The following SSH2 variants were observed in gnomAD, a reference collection of about 807,000 sequenced individuals.
SSH2 encodes slingshot protein phosphatase 2.
Under a neutral mutation model 135.2 loss-of-function variants are expected in SSH2, and 37 were observed. The ratio of observed to expected loss-of-function variants is 0.27; its 90% CI spans 0.21 to 0.36. SSH2 has a LOEUF of 0.36. SSH2 is among the 10% of genes least tolerant of loss of function. SSH2 has a pLI of 1.00. For missense variants in SSH2, 1,408 were observed against 1,765.3 expected (o/e 0.80, Z 3.63); for synonymous variants, 628 against 646.2 (o/e 0.97, Z 0.43).
intron 3 of SSH2, among the ~76,000 whole-genome samples, chr17:29,737,186 G>A (rs987624516): frequency 6.6e-6 from 1 of 150,776 alleles, no homozygotes; most frequent in Non-Finnish European, 1.5e-5. Context: ...TAAATGCAGT[G>A]GCCTTATATT....
At chr17:29,695,545 A>G in intron 4 of SSH2, 22 bp from the exon 5 acceptor site, 2 of 1,599,802 alleles carry the variant, frequency 1.3e-6, no homozygotes, top group Non-Finnish European at 1.7e-6. Flanking sequence ...TACAAACCAA[A>G]GGATAATTAT....
chr17:29,877,995 G>A (rs2066066779), intron 1 of SSH2, among the ~76,000 whole-genome samples: 1 of 152,142 alleles, frequency 6.6e-6, no homozygotes, highest in African/African-American at 2.4e-5. Flanking sequence ...TGAGGTGGGA[G>A]GATTGCCTGA....
chr17:29,794,222 A>T (rs982584719), intron 2 of SSH2, among the ~76,000 whole-genome samples: 1 of 152,184 alleles, frequency 6.6e-6, no homozygotes, highest in Non-Finnish European at 1.5e-5. Context: ...CCAACTAAAC[A>T]TGTTATTTTA....
chr17:29,797,449 CATA>C (rs2042177796), intron 2 of SSH2, among the ~76,000 whole-genome samples: 1 of 152,242 alleles, frequency 6.6e-6, no homozygotes, highest in East Asian at 1.9e-4. Context: ...AAATATTCAG[CATA>C]ATGTTTTCGA....
At chr17:29,872,739 G>C (rs931929309) in intron 1 of SSH2, among the ~76,000 whole-genome samples, 4 of 151,924 alleles carry the variant, frequency 2.6e-5, no homozygotes, top group African/African-American at 9.7e-5. Flanking sequence ...GCTCACGCCT[G>C]TAATTCCAGC....
At chr17:29,750,466 TAAATAA>T (rs1332807441) in intron 3 of SSH2, among the ~76,000 whole-genome samples, 2 of 150,596 alleles carry the variant, frequency 1.3e-5, no homozygotes, top group African/African-American at 4.9e-5. Context: ...TTTTTTTAAA[TAAATAA>T]AAATAAAAAA....
intron 5 of SSH2, among the ~76,000 whole-genome samples, chr17:29,688,784 C>T (rs2038340329): frequency 6.6e-6 from 1 of 152,082 alleles, no homozygotes; most frequent in Non-Finnish European, 1.5e-5. Flanking sequence ...ACACCTATAT[C>T]CTAATTAGAA....
chr17:29,869,056 G>A (rs147690429), intron 1 of SSH2, among the ~76,000 whole-genome samples: 3 of 152,300 alleles, frequency 2.0e-5, no homozygotes, highest in Admixed American at 2.0e-4. Flanking sequence ...AGAGGAGTGA[G>A]AGTGTCTAAA....
chr17:29,646,643 G>C (rs910956195), intron 14 of SSH2, among the ~76,000 whole-genome samples: 3 of 151,946 alleles, frequency 2.0e-5, no homozygotes, highest in East Asian at 1.9e-4. Flanking sequence ...GGGACTACAG[G>C]TGCCCGCCAC....
At chr17:29,807,988 G>A (rs1388299026) in intron 2 of SSH2, among the ~76,000 whole-genome samples, 2 of 152,096 alleles carry the variant, frequency 1.3e-5, no homozygotes, top group Non-Finnish European at 1.5e-5. Flanking sequence ...GGTTGAACTG[G>A]AGAAAGCAGT....
chr17:29,902,543 A>C (rs180862270), intron 1 of SSH2, among the ~76,000 whole-genome samples: 1,528 of 151,920 alleles, frequency 0.01, 18 homozygotes, highest in African/African-American at 0.032. Flanking sequence ...AAAAAAAAAA[A>C]CCCCAATAAT....
intron 3 of SSH2, among the ~76,000 whole-genome samples, chr17:29,772,446 C>T (rs758765089): frequency 5.1e-4 from 78 of 151,838 alleles, no homozygotes; most frequent in Non-Finnish European, 3.8e-4. Context: ...GGGGTTTCAC[C>T]GTGTTAGCCA....
intron 1 of SSH2, among the ~76,000 whole-genome samples, chr17:29,919,776 G>C (rs1045038278): frequency 6.7e-6 from 1 of 150,114 alleles, no homozygotes; most frequent in African/African-American, 2.5e-5. Flanking sequence ...TTTTTTTAAT[G>C]GATTAACAAA....
At chr17:29,870,616 T>C (rs998650728) in intron 1 of SSH2, among the ~76,000 whole-genome samples, 1 of 152,178 alleles carries the variant, frequency 6.6e-6, no homozygotes, top group Non-Finnish European at 1.5e-5. Context: ...CAGATTTGAT[T>C]AAACTCTGAC....
At chr17:29,751,700 T>C (rs981905132) in intron 3 of SSH2, among the ~76,000 whole-genome samples, 20 of 152,222 alleles carry the variant, frequency 1.3e-4, no homozygotes, top group African/African-American at 4.6e-4. Context: ...TCTGTATCTG[T>C]GGTCTGTTAT....
intron 4 of SSH2, among the ~76,000 whole-genome samples, chr17:29,700,794 CTTT>C (rs969498411): frequency 2.4e-4 from 36 of 151,894 alleles, no homozygotes; most frequent in African/African-American, 8.7e-4. Flanking sequence ...AGCTAAACTT[CTTT>C]TTTTCTTTTT....
intron 3 of SSH2, among the ~76,000 whole-genome samples, chr17:29,734,733 C>T (rs2040310565): frequency 6.6e-6 from 1 of 152,156 alleles, no homozygotes; most frequent in African/African-American, 2.4e-5. Flanking sequence ...TGCTGAGAAA[C>T]ACAAATATTC....
chr17:29,793,507 G>C (rs2042107351), intron 3 of SSH2: 1 of 158,128 alleles, frequency 6.3e-6, no homozygotes, highest in Non-Finnish European at 1.4e-5. Context: ...TTACCCCCAA[G>C]ATAATTCCTT....
intron 9 of SSH2, 54 bp from the exon 10 acceptor site, chr17:29,667,277 T>C (rs1567858733): frequency 8.3e-7 from 1 of 1,199,694 alleles, no homozygotes. Flanking sequence ...ATAACGATTA[T>C]TCTTAAATGG....
Sources: gnomAD v4.1 joint callset for allele counts (sites outside exome capture counted in the v4.1 genomes callset) on GRCh38, gnomAD v4.1.1 for gene constraint, MANE v1.5 for transcripts, NCBI Gene and HGNC (gene_info 2026-07-23, HGNC 2026-07-21) for gene names.